Variants in EDARADD observed in about 807,000 individuals in gnomAD.
EDARADD encodes the protein EDAR associated via death domain.
In EDARADD, 20 loss-of-function variants were observed where a neutral mutation model predicts 25.6. The observed-to-expected ratio is 0.78, with a 90% CI of 0.55 to 1.14. The LOEUF (loss-of-function observed/expected upper bound fraction) is 1.14. Ranked by LOEUF, EDARADD falls within the 50% of genes most tolerant of loss-of-function variation. The pLI is 0.00. For synonymous variants in EDARADD, 86 were observed against 94.4 expected (o/e 0.91, Z 0.52); for missense variants, 225 against 270.1 (o/e 0.83, Z 1.17).
At chr1:236,421,798 A>G (rs146309402) in intron 3 of EDARADD, among the ~76,000 whole-genome samples, 34 of 152,132 alleles carry the variant, frequency 2.2e-4, no homozygotes, top group Non-Finnish European at 4.7e-4. Flanking sequence ...AGCCCTTCCC[A>G]GTTCTACCAA....
intron 3 of EDARADD, among the ~76,000 whole-genome samples, chr1:236,423,442 C>T (rs1657830507): frequency 6.6e-6 from 1 of 152,106 alleles, no homozygotes; most frequent in Non-Finnish European, 1.5e-5. Flanking sequence ...GTTGTGAGTA[C>T]TGTATTCCGT....
Position 236,484,207 on chromosome 1 carries a change from G to T in EDARADD, c.*1558G>T, listed in dbSNP as rs921861926. ...CTCCTGCTCAAAGTGAACCAGATTC[G>T]CTCTGTGACTGAGTCCCTTCAGGCG... On this transcript the variant is annotated 3_prime_UTR_variant, in exon 6 of 6. Coordinates refer to ENST00000334232, the MANE Select transcript of EDARADD (RefSeq NM_145861.4). This position sits in a 1 kb window ranked among gnomAD's most constrained non-coding sequence, Gnocchi z 4.1. 9.5e-7 allele frequency: 1 copy of T among 1,054,252 alleles called. No homozygotes were observed. Among genetic ancestry groups the T allele is most frequent in the African/African-American group, 1.6e-5 (1 of 64,264 alleles). The allele number at this position is 1,054,252 out of a possible 1,614,324, so 65.3% of individuals were successfully genotyped here.
At chr1:236,466,724 A>G (rs1476871521) in intron 4 of EDARADD, among the ~76,000 whole-genome samples, 2 of 152,138 alleles carry the variant, frequency 1.3e-5, no homozygotes, top group Admixed American at 6.6e-5. Context: ...TGAGCTTGGG[A>G]TGAGGAGAAA....
At chr1:236,430,748 AC>A (rs1658072582) in intron 4 of EDARADD, among the ~76,000 whole-genome samples, 1 of 152,256 alleles carries the variant, frequency 6.6e-6, no homozygotes. Context: ...GGCAGTTAGA[AC>A]AAAGAAAATT....
chr1:236,461,057 G>C (rs1659026097), intron 4 of EDARADD, among the ~76,000 whole-genome samples: 1 of 151,980 alleles, frequency 6.6e-6, no homozygotes, highest in South Asian at 2.1e-4. Context: ...CCTGACCTCA[G>C]GTGATCTGCC....
chr1:236,371,028 C>G (rs1667166915), intron 3 of EDARADD, among the ~76,000 whole-genome samples: 1 of 152,190 alleles, frequency 6.6e-6, no homozygotes, highest in Admixed American at 6.6e-5. Context: ...CATAATTTTG[C>G]AAAGGCAGTT....
chr1:236,441,571 T>G (rs1012863722), intron 4 of EDARADD, among the ~76,000 whole-genome samples: 5 of 149,606 alleles, frequency 3.3e-5, no homozygotes, highest in African/African-American at 1.2e-4. Context: ...TTGACCAGGC[T>G]GGAGTGCAAT....
chr1:236,425,111 G>A (rs1297764089), intron 3 of EDARADD, among the ~76,000 whole-genome samples: 3 of 152,214 alleles, frequency 2.0e-5, no homozygotes, highest in Admixed American at 1.3e-4. Context: ...CATCCAGCCA[G>A]GTGGTTTTGT....
intron 4 of EDARADD, among the ~76,000 whole-genome samples, chr1:236,462,703 G>A (rs1036168551): frequency 6.6e-6 from 1 of 152,198 alleles, no homozygotes; most frequent in South Asian, 2.1e-4. Context: ...ACTAACCAAG[G>A]TGTGAAATTC....
chr1:236,420,414 A>G (rs1217335671), intron 3 of EDARADD, among the ~76,000 whole-genome samples: 1 of 152,258 alleles, frequency 6.6e-6, no homozygotes, highest in Non-Finnish European at 1.5e-5. Flanking sequence ...ACTAAAGATT[A>G]GAATCTGATG....
At chr1:236,393,218 A>G (rs1448220082), upstream of EDARADD, among the ~76,000 whole-genome samples, 1 of 152,018 alleles carries the variant, frequency 6.6e-6, no homozygotes, top group Non-Finnish European at 1.5e-5. Context: ...AGCATATTTG[A>G]CTCCATGATT....
intron 4 of EDARADD, among the ~76,000 whole-genome samples, chr1:236,455,958 C>T (rs12094567): frequency 0.21 from 32,232 of 152,094 alleles, 3,844 homozygotes; most frequent in African/African-American, 0.32. Flanking sequence ...TCTGGCTCAT[C>T]TTTTGTATTT....
intron 1 of EDARADD, among the ~76,000 whole-genome samples, chr1:236,399,264 C>T (rs998516790): frequency 6.6e-6 from 1 of 152,190 alleles, no homozygotes; most frequent in Non-Finnish European, 1.5e-5. Flanking sequence ...TCACGGTGAC[C>T]TCCACCTCCT....
At chr1:236,409,091 G>T in intron 1 of EDARADD, 125 bp from the exon 2 acceptor site, 49 of 414,258 alleles carry the variant, frequency 1.2e-4, no homozygotes, top group Non-Finnish European at 1.5e-4. Context: ...AAAAAAAGGA[G>T]TAAGGTTTTC....
At chr1:236,409,312 G>A in intron 2 of EDARADD, 38 bp downstream of exon 2, 3 of 1,533,604 alleles carry the variant, frequency 2.0e-6, no homozygotes, top group Middle Eastern at 1.7e-4. Flanking sequence ...GATAATTATT[G>A]TTTTGCTTTT....
intron 4 of EDARADD, among the ~76,000 whole-genome samples, chr1:236,445,237 T>TTTTTTTTTTGTTG (rs1381960263): frequency 9.1e-6 from 1 of 109,558 alleles, no homozygotes; most frequent in Non-Finnish European, 2.2e-5. Flanking sequence ...ATAAATTCTT[T>TTTTTTTTTTGTTG]TTTTTTTTGA....
intron 4 of EDARADD, among the ~76,000 whole-genome samples, chr1:236,461,697 A>G (rs1367903912): frequency 6.6e-6 from 1 of 152,190 alleles, no homozygotes; most frequent in Non-Finnish European, 1.5e-5. Context: ...GCCACACCAG[A>G]TGAACAGTGA....
chr1:236,454,982 C>T (rs1411378696), intron 4 of EDARADD, among the ~76,000 whole-genome samples: 3 of 152,116 alleles, frequency 2.0e-5, no homozygotes, highest in Non-Finnish European at 1.5e-5. Context: ...GAGGCCAAGG[C>T]GGGCAGATCA....
chr1:236,378,634 T>G (rs1370936389), intron 3 of EDARADD, among the ~76,000 whole-genome samples: 1 of 152,220 alleles, frequency 6.6e-6, no homozygotes, highest in Non-Finnish European at 1.5e-5. Flanking sequence ...CCCTGCGTGC[T>G]GGCCATTATA....
Sources: allele counts gnomAD v4.1 joint callset (sites outside exome capture counted in the v4.1 genomes callset), GRCh38; gene constraint gnomAD v4.1.1; non-coding constraint Gnocchi (gnomAD v3.1); transcripts MANE v1.5; gene names NCBI Gene and HGNC (gene_info 2026-07-23, HGNC 2026-07-21).